Variants in SCAPER observed in about 807,000 individuals in gnomAD.
SCAPER encodes the protein S-phase cyclin A associated protein in the ER.
In SCAPER, 98 loss-of-function variants were observed where a neutral mutation model predicts 182.2. The observed-to-expected ratio is 0.54, with a 90% CI of 0.46 to 0.64. SCAPER has a LOEUF of 0.64. Among genes scored for constraint, SCAPER ranks in the 30% least tolerant of loss-of-function variants. SCAPER has a pLI of 0.00. For missense variants in SCAPER, 1,432 were observed against 1,690.0 expected, an observed-to-expected ratio of 0.85 and a Z score of 2.68; for synonymous variants, 605 against 564.6, an observed-to-expected ratio of 1.07 and a Z score of -1.01.
chr15:76,373,814 A>T (rs1033603740), intron 29 of SCAPER, among the ~76,000 whole-genome samples: 1 of 152,128 alleles, frequency 6.6e-6, no homozygotes, highest in Admixed American at 6.6e-5. Flanking sequence ...AGGCATCAAC[A>T]ATCATCTAGG....
chr15:76,854,045 C>T (rs1004136758), intron 4 of SCAPER, among the ~76,000 whole-genome samples: 2 of 151,882 alleles, frequency 1.3e-5, no homozygotes, highest in Non-Finnish European at 2.9e-5. Flanking sequence ...CCGAGGCAGG[C>T]GGATCACGAG....
intron 20 of SCAPER, among the ~76,000 whole-genome samples, chr15:76,690,728 C>A (rs1000698295): frequency 1.3e-5 from 2 of 152,018 alleles, no homozygotes; most frequent in African/African-American, 2.4e-5. Flanking sequence ...TCTACCAAAT[C>A]TTTAAGAAAA....
chr15:76,850,969 G>C (rs1192928857), intron 4 of SCAPER, among the ~76,000 whole-genome samples: 1 of 151,436 alleles, frequency 6.6e-6, no homozygotes. Flanking sequence ...GATCACAATA[G>C]GACAATACAG....
intron 17 of SCAPER, among the ~76,000 whole-genome samples, chr15:76,718,685 A>G (rs1259599496): frequency 1.3e-5 from 2 of 151,998 alleles, no homozygotes; most frequent in Middle Eastern, 3.4e-3. Context: ...AAAAATATAT[A>G]TATTTAAAAA....
At chr15:76,739,750 A>G (rs2061450456) in intron 15 of SCAPER, among the ~76,000 whole-genome samples, 1 of 152,232 alleles carries the variant, frequency 6.6e-6, no homozygotes, top group South Asian at 2.1e-4. Flanking sequence ...AGGGAGGACT[A>G]CTGTCTTATT....
At chr15:76,799,661 T>C (rs1015014711) in intron 7 of SCAPER, among the ~76,000 whole-genome samples, 4 of 152,170 alleles carry the variant, frequency 2.6e-5, no homozygotes, top group African/African-American at 2.4e-5. Flanking sequence ...GTACCAAGAA[T>C]GCAACATCTT....
chr15:76,487,908 T>C (rs2143170261), intron 24 of SCAPER, among the ~76,000 whole-genome samples: 1 of 152,212 alleles, frequency 6.6e-6, no homozygotes, highest in Admixed American at 6.5e-5. Context: ...CAGCCACTGA[T>C]TTAATTTGAT....
chr15:76,813,008 A>ATCTGTGTG (rs77759308), intron 5 of SCAPER, among the ~76,000 whole-genome samples: 1 of 151,504 alleles, frequency 6.6e-6, no homozygotes, highest in African/African-American at 2.4e-5. Flanking sequence ...ATATACACAC[A>ATCTGTGTG]AAAATGCTCA....
At chr15:76,550,622 CT>C (rs369577490) in intron 23 of SCAPER, among the ~76,000 whole-genome samples, 1 of 152,122 alleles carries the variant, frequency 6.6e-6, no homozygotes, top group African/African-American at 2.4e-5. Context: ...GATTCCGTAT[CT>C]TTTTTATTGC....
At chr15:76,451,913 G>C (rs1292719759) in intron 25 of SCAPER, among the ~76,000 whole-genome samples, 2 of 152,156 alleles carry the variant, frequency 1.3e-5, no homozygotes, top group Non-Finnish European at 2.9e-5. Context: ...TATTGGGAAA[G>C]GTCTAATCAG....
intron 5 of SCAPER, among the ~76,000 whole-genome samples, chr15:76,818,547 A>G (rs1040691541): frequency 1.3e-5 from 2 of 152,162 alleles, no homozygotes; most frequent in East Asian, 3.9e-4. Flanking sequence ...CAAAAGACAT[A>G]CAAGAGACAC....
intron 21 of SCAPER, among the ~76,000 whole-genome samples, chr15:76,652,220 C>T (rs2055118683): frequency 8.1e-6 from 1 of 123,724 alleles, no homozygotes; most frequent in South Asian, 2.8e-4. Flanking sequence ...GAGTTCGAGA[C>T]CAGCCTGGCC....
chr15:76,406,846 G>A (rs538009045), intron 26 of SCAPER, among the ~76,000 whole-genome samples: 1 of 152,126 alleles, frequency 6.6e-6, no homozygotes, highest in Non-Finnish European at 1.5e-5. Context: ...TGTGCTTCAG[G>A]ACAGTCAAAG....
chr15:76,462,941 C>T (rs1248612788), intron 25 of SCAPER, among the ~76,000 whole-genome samples: 2 of 152,144 alleles, frequency 1.3e-5, no homozygotes, highest in Non-Finnish European at 2.9e-5. Context: ...GGCTGTAGAA[C>T]TTGGGCAAGT....
At chr15:76,485,632 C>T (rs2051558252) in intron 24 of SCAPER, among the ~76,000 whole-genome samples, 1 of 152,158 alleles carries the variant, frequency 6.6e-6, no homozygotes, top group South Asian at 2.1e-4. Flanking sequence ...CAACTTCAAA[C>T]TATACTACAG....
chr15:76,467,179 CCT>C (rs529097823), intron 25 of SCAPER, among the ~76,000 whole-genome samples: 6 of 152,154 alleles, frequency 3.9e-5, no homozygotes, highest in Non-Finnish European at 7.4e-5. Flanking sequence ...GTCAATTAAA[CCT>C]CTTTCTTTAT....
chr15:76,749,927 T>A (rs1039120867), intron 15 of SCAPER, among the ~76,000 whole-genome samples: 26 of 151,800 alleles, frequency 1.7e-4, no homozygotes, highest in African/African-American at 6.3e-4. Flanking sequence ...ATAGCCAAAA[T>A]AGCTCAGAAA....
intron 22 of SCAPER, among the ~76,000 whole-genome samples, chr15:76,576,356 T>C (rs1021308033): frequency 3.3e-5 from 5 of 152,094 alleles, no homozygotes; most frequent in Admixed American, 1.3e-4. Flanking sequence ...GAGACCTTCA[T>C]CTCTAAAAAG....
rs1295106933 is a variant in SCAPER, at chr15:76,765,086, C to A, written c.1614-14G>T. 3 of 1,493,700 alleles carry A rather than the reference C, an allele frequency of 2.0e-6. No individual in the cohort carries two copies. The highest frequency in any genetic ancestry group is 2.7e-6 in the Non-Finnish European group (3 of 1,096,838). The allele number at this position is 1,493,700 out of a possible 1,614,324, so 92.5% of individuals were successfully genotyped here. On this transcript the variant is annotated splice_polypyrimidine_tract_variant and intron_variant, in intron 13 of 31. Coordinates refer to ENST00000563290, the MANE Select transcript of SCAPER (RefSeq NM_020843.4). The stretch of plus-strand genomic sequence containing the variant: ...TCTGCAATTGTTCTATTAATACAAA[C>A]AAATGGACAAGAGACATGAAATGTT...
Sources: allele counts gnomAD v4.1 joint callset (sites outside exome capture counted in the v4.1 genomes callset), GRCh38; gene constraint gnomAD v4.1.1; transcripts MANE v1.5; gene names NCBI Gene and HGNC (gene_info 2026-07-23, HGNC 2026-07-21).